PCBP2: variants seen among roughly 807,000 people sequenced by gnomAD.
The protein encoded by PCBP2 is poly(rC)-binding protein 2.
Under a neutral mutation model 50.1 loss-of-function variants are expected in PCBP2, and 4 were observed. The observed-to-expected ratio is 0.08, with a 90% CI of 0.04 to 0.18. The LOEUF (loss-of-function observed/expected upper bound fraction) is 0.18. Among genes scored for constraint, PCBP2 ranks in the 10% least tolerant of loss-of-function variants. The pLI, the probability that PCBP2 is intolerant of heterozygous loss-of-function variation, is 1.00. For synonymous variants in PCBP2, 179 were observed against 168.0 expected (o/e 1.07, Z -0.51); for missense variants, 161 against 474.3 (o/e 0.34, Z 6.14).
chr12:53,461,210 A>G (rs1403283403), intron 7 of PCBP2, 67 bp downstream of exon 7: 4 of 1,552,064 alleles, frequency 2.6e-6, no homozygotes, highest in East Asian at 4.6e-5. Context: ...ACTGATCTAT[A>G]TTTAGTAAGA....
At chr12:53,465,861 T>C (rs1344017922) in intron 9 of PCBP2, 71 bp from the exon 10 acceptor site, 2 of 1,222,774 alleles carry the variant, frequency 1.6e-6, no homozygotes, top group Non-Finnish European at 2.4e-6. Flanking sequence ...CTAGTTGAAA[T>C]GTCTTTTTCC....
intron 14 of PCBP2, among the ~76,000 whole-genome samples, chr12:53,474,039 CACAT>C (rs917786342): frequency 2.0e-5 from 3 of 152,154 alleles, no homozygotes; most frequent in Non-Finnish European, 2.9e-5. Flanking sequence ...CTGGCTTAGA[CACAT>C]ACAGGCATTT....
intron 5 of PCBP2, 75 bp downstream of exon 5, chr12:53,456,076 T>C: frequency 1.1e-6 from 1 of 943,210 alleles, no homozygotes; most frequent in South Asian, 1.3e-5. Context: ...TAAGAGCTTT[T>C]TAAATTCAAG....
chr12:53,479,634 G>T lies in PCBP2; in HGVS notation c.*192G>T. 2 of 289,012 alleles carry T rather than the reference G, an allele frequency of 6.9e-6. No homozygotes were observed. Among genetic ancestry groups the T allele is most frequent in the Non-Finnish European group, 1.2e-5 (2 of 161,378 alleles). The allele number at this position is 289,012 out of a possible 1,614,324, so 17.9% of individuals were successfully genotyped here. ...TTCCTTTCTCTGTTCAGCTGTTGAT[G>T]CTGAGATCCATATTTAGTTTTATAA... On this transcript the variant is annotated 3_prime_UTR_variant, in exon 15 of 15. Transcript: ENST00000546463.
At chr12:53,467,732 C>A in intron 11 of PCBP2, 73 bp from the exon 12 acceptor site, 1 of 1,187,604 alleles carries the variant, frequency 8.4e-7, no homozygotes, top group Non-Finnish European at 1.2e-6. Context: ...TGGGGCTTTT[C>A]TGTATAAGGA....
In PCBP2 at chr12:53,479,449, G is replaced by A; in HGVS notation, c.*7G>A. On this transcript the variant is annotated 3_prime_UTR_variant, in exon 15 of 15. Transcript: ENST00000546463. ...TGGCATGGGGAGCAGCTAGAACAAT[G>A]CAGATTCATCCATAATCCCTTTCTG... 1 of 1,613,046 alleles carries A rather than the reference G, an allele frequency of 6.2e-7. No individual in the cohort carries two copies. Among genetic ancestry groups the A allele is most frequent in the Non-Finnish European group, 8.5e-7 (1 of 1,179,282 alleles).
At chr12:53,464,226 T>C (rs1314788868) in intron 8 of PCBP2, among the ~76,000 whole-genome samples, 1 of 152,058 alleles carries the variant, frequency 6.6e-6, no homozygotes, top group African/African-American at 2.4e-5. Context: ...GCAGCAATCC[T>C]CTGTACTTAA....
At chr12:53,475,007 C>A (rs1221331222) in intron 14 of PCBP2, 2 of 456,488 alleles carry the variant, frequency 4.4e-6, no homozygotes, top group South Asian at 3.1e-5. Flanking sequence ...CAGCGGGGAC[C>A]TCCGACGCAC....
Position 53,470,253 on chromosome 12 carries a change from C to T in PCBP2, c.883-1385C>T, listed in dbSNP as rs571863683. Among the ~76,000 whole-genome samples, 111 of 151,748 alleles carry T rather than the reference C, an allele frequency of 7.3e-4. 1 individual carries two copies. Among genetic ancestry groups the T allele is most frequent in the African/African-American group, 2.5e-3 (103 of 41,432 alleles). On this transcript the variant is annotated intron_variant, in intron 13 of 14. Transcript: ENST00000546463. ...ATTAGCCAGGTGTGCTGGCCCGCAC[C>T]TGTAATCCCATTACTCAGAAGGCTG...
intron 13 of PCBP2, among the ~76,000 whole-genome samples, chr12:53,470,033 A>C (rs1441395061): frequency 1.3e-5 from 2 of 151,830 alleles, no homozygotes; most frequent in African/African-American, 4.8e-5. Context: ...GGTGTGAGCC[A>C]CTGCGTCCAG....
intron 14 of PCBP2, chr12:53,474,965 TTCCTCC>T: frequency 2.2e-6 from 1 of 456,766 alleles, no homozygotes; most frequent in Non-Finnish European, 4.4e-6. Flanking sequence ...CTTCTTCTTC[TTCCTCC>T]TCCACCACCA....
intron 9 of PCBP2, among the ~76,000 whole-genome samples, chr12:53,465,400 C>A (rs1347771103): frequency 6.6e-6 from 1 of 152,068 alleles, no homozygotes; most frequent in Non-Finnish European, 1.5e-5. Context: ...GTGATCAGCT[C>A]CCTACTGTTA....
At chr12:53,475,453 C>T in intron 14 of PCBP2, 1 of 282,140 alleles carries the variant, frequency 3.5e-6, no homozygotes, top group South Asian at 3.2e-5. Flanking sequence ...GTTTTCTCTT[C>T]TTTCTTGTTT....
intron 9 of PCBP2, chr12:53,465,145 T>C (rs1941730642): frequency 3.4e-6 from 1 of 291,530 alleles, no homozygotes; most frequent in Non-Finnish European, 6.3e-6. Flanking sequence ...GGGTGTACTT[T>C]TGGGGGTACT....
intron 10 of PCBP2, among the ~76,000 whole-genome samples, chr12:53,466,250 A>G (rs1302184833): frequency 6.6e-6 from 1 of 152,166 alleles, no homozygotes; most frequent in Non-Finnish European, 1.5e-5. Flanking sequence ...GAAATGTTCC[A>G]TGGTATACTG....
At chr12:53,475,014 G>A (rs773582774) in intron 14 of PCBP2, 1 of 456,026 alleles carries the variant, frequency 2.2e-6, no homozygotes, top group Non-Finnish European at 4.4e-6. Flanking sequence ...GACCTCCGAC[G>A]CACCCTCCAG....
chr12:53,476,986 G>T (rs1235043777), intron 14 of PCBP2, among the ~76,000 whole-genome samples: 2 of 152,036 alleles, frequency 1.3e-5, no homozygotes, highest in African/African-American at 4.8e-5. Flanking sequence ...CATGTTTAAG[G>T]GTCTAGCTAC....
chr12:53,455,526 G>C (rs779365624), intron 4 of PCBP2, 33 bp downstream of exon 4: 1 of 1,608,136 alleles, frequency 6.2e-7, no homozygotes, highest in Admixed American at 1.7e-5. Flanking sequence ...TGTTAACTTT[G>C]GGAAGTAAAA....
At chr12:53,455,233 CT>C (rs1168913508) in intron 2 of PCBP2, 113 bp from the exon 3 acceptor site, 1 of 1,000,816 alleles carries the variant, frequency 1.0e-6, no homozygotes, top group African/African-American at 1.6e-5. Context: ...GTTAAAATTC[CT>C]TTTCATAATG....
Sources: gnomAD v4.1 joint callset for allele counts (sites outside exome capture counted in the v4.1 genomes callset) on GRCh38, gnomAD v4.1.1 for gene constraint, MANE v1.5 for transcripts, NCBI Gene and HGNC (gene_info 2026-07-23, HGNC 2026-07-21) for gene names.